The following ADARB2 variants were observed in gnomAD, a reference collection of about 807,000 sequenced individuals.
The protein encoded by ADARB2 is adenosine deaminase RNA specific B2 (inactive).
Under a neutral mutation model 62.2 loss-of-function variants are expected in ADARB2, and 25 were observed. The ratio of observed to expected loss-of-function variants is 0.40; its 90% CI spans 0.29 to 0.56. ADARB2 has a LOEUF of 0.56. Among genes scored for constraint, ADARB2 ranks in the 20% least tolerant of loss-of-function variants. The pLI is 0.43. For synonymous variants in ADARB2, 572 were observed against 500.8 expected (o/e 1.14, Z -1.90); for missense variants, 1,071 against 1,077.4 (o/e 0.99, Z 0.08).
intron 1 of ADARB2, among the ~76,000 whole-genome samples, chr10:1,527,261 G>A (rs1364294600): frequency 1.3e-5 from 2 of 152,180 alleles, no homozygotes; most frequent in African/African-American, 2.4e-5. Context: ...CCTCATTTAC[G>A]ATATGACTCT....
At chr10:1,247,472 T>C (rs1207318897) in intron 4 of ADARB2, among the ~76,000 whole-genome samples, 2 of 152,194 alleles carry the variant, frequency 1.3e-5, no homozygotes, top group African/African-American at 4.8e-5. Context: ...GGGTTTGTCA[T>C]AGATAGCTCT....
At chr10:1,206,295 C>G (rs929451403) in intron 7 of ADARB2, among the ~76,000 whole-genome samples, 1 of 152,162 alleles carries the variant, frequency 6.6e-6, no homozygotes, top group Non-Finnish European at 1.5e-5. Context: ...GCGGGGGCCA[C>G]GCTCTCCCAC....
chr10:1,604,167 A>T (rs1316820886), intron 1 of ADARB2, among the ~76,000 whole-genome samples: 2 of 152,190 alleles, frequency 1.3e-5, no homozygotes, highest in Non-Finnish European at 2.9e-5. Context: ...TTTACTATGA[A>T]TTTTTCAGAA....
rs1831571573 is a variant in ADARB2, at chr10:1,488,337, C to T, written c.101-109177G>A. 1.3e-5 allele frequency among the ~76,000 whole-genome samples: 2 copies of T among 152,296 alleles called. 1 individual carries two copies. The highest frequency in any genetic ancestry group is 4.1e-4 in the South Asian group (2 of 4,824). ...GTAATATTTGCTCACATCACATGAG[C>T]AGGTCTGAGTAGCCAATGACCTGTG... On this transcript the variant is annotated intron_variant, in intron 1 of 9. Transcript: ENST00000381312.
intron 3 of ADARB2, among the ~76,000 whole-genome samples, chr10:1,299,153 G>A (rs956287776): frequency 1.3e-5 from 2 of 152,020 alleles, no homozygotes; most frequent in African/African-American, 2.4e-5. Context: ...GAAGGAAAGC[G>A]TAAGTGACTA....
intron 2 of ADARB2, 84 bp downstream of exon 2, chr10:1,378,990 A>C: frequency 2.7e-6 from 3 of 1,109,230 alleles, no homozygotes; most frequent in Non-Finnish European, 4.1e-6. Context: ...GACCCCAGGT[A>C]TCTCAGGTTT....
At chr10:1,576,593 C>T (rs12247112) in intron 1 of ADARB2, among the ~76,000 whole-genome samples, 5,577 of 152,214 alleles carry the variant, frequency 0.037, 342 homozygotes, top group African/African-American at 0.13. Flanking sequence ...CTCCATCCAG[C>T]GATCTTCGGT....
At chr10:1,609,286 G>A (rs1341000588) in intron 1 of ADARB2, among the ~76,000 whole-genome samples, 3 of 152,328 alleles carry the variant, frequency 2.0e-5, no homozygotes, top group South Asian at 4.1e-4. Flanking sequence ...GCTATTAAAC[G>A]GGCTATAATA....
At chr10:1,468,952 G>A (rs949665392) in intron 1 of ADARB2, among the ~76,000 whole-genome samples, 23 of 152,180 alleles carry the variant, frequency 1.5e-4, no homozygotes, top group African/African-American at 5.3e-4. Context: ...AGCTTAGAAC[G>A]TCGGGGTGTC....
chr10:1,405,415 T>G lies in ADARB2; in HGVS notation c.101-26255A>C, dbSNP rs1832698909. 4.6e-5 allele frequency among the ~76,000 whole-genome samples: 7 copies of G among 152,006 alleles called. No homozygotes were observed. The South Asian group carries it at 1.5e-3, about 32-fold the overall frequency. Reference sequence around the variant, plus strand: ...AGAAATAAGGGTTCAAGATTCAATGTGGTCAGGAGTTCGGGACCAGCCTGG... The same window carrying G: ...AGAAATAAGGGTTCAAGATTCAATGGGGTCAGGAGTTCGGGACCAGCCTGG... On this transcript the variant is annotated intron_variant, in intron 1 of 9. Transcript: ENST00000381312.
intron 1 of ADARB2, among the ~76,000 whole-genome samples, chr10:1,626,183 AC>A (rs1833766090): frequency 7.0e-6 from 1 of 142,420 alleles, no homozygotes; most frequent in Admixed American, 6.9e-5. Flanking sequence ...TCGGACGCTA[AC>A]CCCACATCTG....
chr10:1,357,661 G>T (rs191524973), intron 3 of ADARB2, among the ~76,000 whole-genome samples: 1 of 152,198 alleles, frequency 6.6e-6, no homozygotes, highest in Non-Finnish European at 1.5e-5. Context: ...GGATGGGAGC[G>T]ACATGAGCCA....
chr10:1,261,730 G>A (rs1324689476), intron 4 of ADARB2, among the ~76,000 whole-genome samples: 2 of 150,220 alleles, frequency 1.3e-5, no homozygotes, highest in East Asian at 1.9e-4. Flanking sequence ...GGAAGTCAGT[G>A]TGGCGATTCC....
chr10:1,552,856 T>A (rs1334711746), intron 1 of ADARB2, among the ~76,000 whole-genome samples: 1 of 152,170 alleles, frequency 6.6e-6, no homozygotes, highest in Admixed American at 6.5e-5. Context: ...TTGGCAGGTA[T>A]TTTATTGGCC....
chr10:1,662,065 G>T (rs539468071), intron 1 of ADARB2, among the ~76,000 whole-genome samples: 1 of 152,266 alleles, frequency 6.6e-6, no homozygotes, highest in Admixed American at 6.5e-5. Flanking sequence ...CCTAAGCCCG[G>T]GACCCAGACA....
chr10:1,535,944 A>G (rs1459956948), intron 1 of ADARB2, among the ~76,000 whole-genome samples: 1 of 152,130 alleles, frequency 6.6e-6, no homozygotes, highest in African/African-American at 2.4e-5. Flanking sequence ...CTTTCATTTG[A>G]AAGGGAGGCA....
At chr10:1,191,259 G>C (rs1412256862) in intron 8 of ADARB2, among the ~76,000 whole-genome samples, 1 of 152,244 alleles carries the variant, frequency 6.6e-6, no homozygotes. Context: ...CCAGGAGGGT[G>C]GGGGGCCAGG....
chr10:1,619,223 G>C (rs1393257492), intron 1 of ADARB2, among the ~76,000 whole-genome samples: 1 of 148,930 alleles, frequency 6.7e-6, no homozygotes, highest in Non-Finnish European at 1.5e-5. Context: ...AGATAAATAA[G>C]TAAGATTTAG....
At chr10:1,496,586 T>C (rs575384064) in intron 1 of ADARB2, among the ~76,000 whole-genome samples, 3 of 152,206 alleles carry the variant, frequency 2.0e-5, no homozygotes, top group East Asian at 3.9e-4. Flanking sequence ...AGTGTCAACA[T>C]TGATGATACT....
Sources: gnomAD v4.1 joint callset for allele counts (sites outside exome capture counted in the v4.1 genomes callset) on GRCh38, gnomAD v4.1.1 for gene constraint, MANE v1.5 for transcripts, NCBI Gene and HGNC (gene_info 2026-07-23, HGNC 2026-07-21) for gene names.